TMEM131: variants seen among roughly 807,000 people sequenced by gnomAD.
The protein encoded by TMEM131 is transmembrane protein 131, also known as 2610524E03Rik.
TMEM131 carries 66 observed loss-of-function variants against 211.6 expected under a neutral mutation model. The ratio of observed to expected loss-of-function variants is 0.31; its 90% confidence interval spans 0.26 to 0.38. TMEM131 has a LOEUF of 0.38. Ranked by LOEUF, TMEM131 falls within the 10% of genes least tolerant of loss-of-function variation. The pLI, the probability that TMEM131 is intolerant of heterozygous loss-of-function variation, is 1.00. For synonymous variants in TMEM131, 844 were observed against 841.3 expected, an observed-to-expected ratio of 1.00 and a Z score of -0.06; for missense variants, 2,036 against 2,299.3, an observed-to-expected ratio of 0.89 and a Z score of 2.34.
chr2:97,952,831 T>C (rs1020369863), intron 1 of TMEM131, among the ~76,000 whole-genome samples: 2 of 152,128 alleles, frequency 1.3e-5, no homozygotes, highest in Non-Finnish European at 2.9e-5. Flanking sequence ...TGAGCCATGA[T>C]TGTGCCACTC....
chr2:97,961,136 T>TAA (rs1179149824), intron 1 of TMEM131, among the ~76,000 whole-genome samples: 6 of 135,666 alleles, frequency 4.4e-5, no homozygotes, highest in East Asian at 2.1e-4. Context: ...AAACACTATC[T>TAA]AAAAAAAAAA....
At chr2:97,993,735 A>C (rs146709534) in intron 1 of TMEM131, among the ~76,000 whole-genome samples, 1 of 152,360 alleles carries the variant, frequency 6.6e-6, no homozygotes, top group African/African-American at 2.4e-5. Flanking sequence ...ACACACATTT[A>C]TGGGTATTAG....
At chr2:97,956,048 A>G (rs1311920788) in intron 1 of TMEM131, among the ~76,000 whole-genome samples, 2 of 152,246 alleles carry the variant, frequency 1.3e-5, no homozygotes, top group African/African-American at 2.4e-5. Context: ...AAATAAGGAA[A>G]AAGTGACAGA....
chr2:97,981,052 AAAAAAAAAAAAAAAAG>A (rs1679770548), intron 1 of TMEM131, among the ~76,000 whole-genome samples: 1 of 142,904 alleles, frequency 7.0e-6, no homozygotes, highest in Non-Finnish European at 1.5e-5. Context: ...AAAAAAAAAA[AAAAAAAAAAAAAAAAG>A]TTTAAAAATC....
At chr2:97,844,338 GAAT>G (rs1683327973) in intron 5 of TMEM131, 77 bp from the exon 6 acceptor site, 2 of 438,486 alleles carry the variant, frequency 4.6e-6, no homozygotes, top group Non-Finnish European at 7.9e-6. Context: ...AAGTTTCTTA[GAAT>G]CACTTCCATA....
At chr2:97,759,531 T>C (rs1573310527) in intron 39 of TMEM131, 121 bp downstream of exon 39, 1 of 828,726 alleles carries the variant, frequency 1.2e-6, no homozygotes, top group South Asian at 1.7e-5. Context: ...CCCAGGGAGC[T>C]TCCTGCGGGG....
intron 1 of TMEM131, among the ~76,000 whole-genome samples, chr2:97,950,909 A>G (rs1311400959): frequency 6.6e-6 from 1 of 152,238 alleles, no homozygotes; most frequent in Non-Finnish European, 1.5e-5. Context: ...ATATCCTTTT[A>G]ATAGCCTAAA....
chr2:97,898,528 T>G (rs1413985010), intron 3 of TMEM131, among the ~76,000 whole-genome samples: 1 of 152,118 alleles, frequency 6.6e-6, no homozygotes, highest in Admixed American at 6.6e-5. Flanking sequence ...AAAGCCCCCA[T>G]GCACACATGT....
At position 97,841,521 on chromosome 2, in the gene TMEM131, T is replaced by TA. The variant is rs1362518107; in HGVS notation, c.723+293dup. On this transcript the variant is annotated intron_variant, in intron 7 of 40. Coordinates refer to ENST00000186436, the MANE Select transcript of TMEM131 (RefSeq NM_015348.2). ...AAGAAAAAAAGCAGCCTTGTGTAGCTAAAAACTCTTCTTTAAATGCAGAGC... is the reference window on the plus strand; with the variant it reads ...AAGAAAAAAAGCAGCCTTGTGTAGCTAAAAAACTCTTCTTTAAATGCAGAGC... 7.8e-4 allele frequency among the ~76,000 whole-genome samples: 119 copies of TA among 152,166 alleles called. 1 individual carries two copies. The highest frequency in any genetic ancestry group is 7.7e-3 in the Admixed American group (118 of 15,280).
At position 97,757,020 on chromosome 2, in the gene TMEM131, G is replaced by A; in HGVS notation, c.*79C>T. On this transcript the variant is annotated 3_prime_UTR_variant, in exon 41 of 41. Coordinates refer to ENST00000186436, the MANE Select transcript of TMEM131 (RefSeq NM_015348.2). ...GGTGGGGAGGGGAGCTGCAGTAAGA[G>A]CCTTAAAAAGATGTCTCAGAAACTG... 1.4e-6 allele frequency: 2 copies of A among 1,465,888 alleles called. No individual in the cohort carries two copies. The highest frequency in any genetic ancestry group is 2.4e-5 in the East Asian group (1 of 41,588). The allele number at this position is 1,465,888 out of a possible 1,614,324, so 90.8% of individuals were successfully genotyped here.
At chr2:97,815,902 T>C (rs1214555919) in intron 12 of TMEM131, among the ~76,000 whole-genome samples, 5 of 152,194 alleles carry the variant, frequency 3.3e-5, no homozygotes, top group African/African-American at 9.7e-5. Context: ...TAGCATGGTA[T>C]AAGAAAAGTC....
At chr2:97,973,717 C>T (rs1211054239) in intron 1 of TMEM131, among the ~76,000 whole-genome samples, 1 of 152,110 alleles carries the variant, frequency 6.6e-6, no homozygotes, top group Non-Finnish European at 1.5e-5. Context: ...AGAAACAGTA[C>T]CTATTTATAC....
Position 97,800,655 on chromosome 2 carries a change from G to A in TMEM131, c.2718+1240C>T, listed in dbSNP as rs1181868813. Among the ~76,000 whole-genome samples, 3 of 151,432 alleles carry A rather than the reference G, an allele frequency of 2.0e-5. No homozygotes were observed. In the East Asian group the frequency reaches 5.8e-4, roughly 29 times the overall value. ...TGCCTGTAATCCCGCTACTCGGGAG[G>A]CTGAGGCAGGAGAATTGCACAAACC... On this transcript the variant is annotated intron_variant, in intron 25 of 40. Coordinates refer to ENST00000186436, the MANE Select transcript of TMEM131 (RefSeq NM_015348.2).
chr2:97,814,085 A>T lies in TMEM131; in HGVS notation c.1503T>A (p.Phe501Leu). Residue 501 changes from phenylalanine to leucine, a missense_variant, in exon 15 of 41, where the codon TTT (phenylalanine) becomes TTA (leucine). Phe to Leu is a conservative substitution (Grantham distance 22). Transcript: ENST00000186436. Reference protein sequence around the residue: ...LILPNESGYIFTLLFMPSTSS... With the variant: ...LILPNESGYILTLLFMPSTSS... ...ATGTGGAAGGCATAAAAAGCAGGGT[A>T]AAAATGTATCCTGATTCATTAGGAA... 1 of 1,605,818 alleles carries T rather than the reference A, an allele frequency of 6.2e-7. No individual in the cohort carries two copies. Among genetic ancestry groups the T allele is most frequent in the South Asian group, 1.1e-5 (1 of 89,866 alleles).
At chr2:97,923,862 C>T (rs1676860098) in intron 2 of TMEM131, among the ~76,000 whole-genome samples, 1 of 151,986 alleles carries the variant, frequency 6.6e-6, no homozygotes, top group Non-Finnish European at 1.5e-5. Context: ...GGGTGGATCA[C>T]GAGGTCAGGA....
intron 31 of TMEM131, among the ~76,000 whole-genome samples, chr2:97,791,749 C>A (rs1352230851): frequency 6.6e-6 from 1 of 152,148 alleles, no homozygotes; most frequent in African/African-American, 2.4e-5. Flanking sequence ...GTTTTGAGGT[C>A]ATCTGTTACT....
Position 97,990,105 on chromosome 2 carries a change from C to A in TMEM131, c.187+5371G>T, listed in dbSNP as rs528311072. On this transcript the variant is annotated intron_variant, in intron 1 of 40. Transcript: ENST00000186436. ...CCAATCTGGAGCTAAGCAGTATCTA[C>A]AGAAGGCAATATTGCTTAACCTTAG... Among the ~76,000 whole-genome samples, 21 of 152,322 alleles carry A rather than the reference C, an allele frequency of 1.4e-4. No individual in the cohort carries two copies. The South Asian group carries it at 2.3e-3, about 17-fold the overall frequency.
chr2:97,953,864 G>T, intron 1 of TMEM131, among the ~76,000 whole-genome samples: 1 of 152,108 alleles, frequency 6.6e-6, no homozygotes, highest in East Asian at 1.9e-4. Context: ...AATGTAATCA[G>T]ACTAGAAATC....
chr2:97,823,064 C>T, intron 11 of TMEM131, among the ~76,000 whole-genome samples: 1 of 152,130 alleles, frequency 6.6e-6, no homozygotes, highest in Non-Finnish European at 1.5e-5. Flanking sequence ...TATCTCTAAG[C>T]TTTCTTTTCA....
Sources: allele counts gnomAD v4.1 joint callset (sites outside exome capture counted in the v4.1 genomes callset), GRCh38; gene constraint gnomAD v4.1.1; transcripts MANE v1.5; gene names NCBI Gene and HGNC (gene_info 2026-07-23, HGNC 2026-07-21).